MGAT5: variants seen among roughly 807,000 people sequenced by gnomAD.
MGAT5 encodes the protein alpha-1,6-mannosylglycoprotein 6-beta-N-acetylglucosaminyltransferase.
Under a neutral mutation model 94.3 loss-of-function variants are expected in MGAT5, and 30 were observed. That is an observed-to-expected ratio of 0.32 (90% CI 0.24 to 0.43). The LOEUF (loss-of-function observed/expected upper bound fraction) is 0.43. MGAT5 is among the 20% of genes least tolerant of loss of function. The pLI, the probability that MGAT5 is intolerant of heterozygous loss-of-function variation, is 1.00. For missense variants in MGAT5, 691 were observed against 905.5 expected, an observed-to-expected ratio of 0.76 and a Z score of 3.04; for synonymous variants, 310 against 322.9, an observed-to-expected ratio of 0.96 and a Z score of 0.43.
At chr2:134,169,440 A>G (rs887839572) in intron 1 of MGAT5, among the ~76,000 whole-genome samples, 2 of 149,052 alleles carry the variant, frequency 1.3e-5, no homozygotes, top group African/African-American at 5.1e-5. Flanking sequence ...ACACACACAC[A>G]TATATAAAAG....
intron 11 of MGAT5, among the ~76,000 whole-genome samples, chr2:134,406,342 C>T (rs1192251185): frequency 1.3e-5 from 2 of 152,194 alleles, no homozygotes; most frequent in African/African-American, 4.8e-5. Flanking sequence ...CACATACTGT[C>T]GCTGTACCCC....
intron 1 of MGAT5, among the ~76,000 whole-genome samples, chr2:134,151,626 G>A (rs1322879658): frequency 3.9e-5 from 3 of 77,906 alleles, no homozygotes; most frequent in South Asian, 5.0e-4. Flanking sequence ...CCTCACTCAC[G>A]CCCTATGGGA....
At chr2:134,158,798 C>CT (rs1687596221) in intron 1 of MGAT5, among the ~76,000 whole-genome samples, 1 of 152,222 alleles carries the variant, frequency 6.6e-6, no homozygotes, top group Non-Finnish European at 1.5e-5. Flanking sequence ...TGGATCCCCC[C>CT]AAAGAGCTTT....
chr2:134,300,905 G>A (rs1391445516), intron 2 of MGAT5, among the ~76,000 whole-genome samples: 1 of 152,126 alleles, frequency 6.6e-6, no homozygotes, highest in East Asian at 1.9e-4. Flanking sequence ...GCACAGCCCA[G>A]TTCTTAAGTA....
chr2:134,132,839 A>T (rs1252621808), intron 1 of MGAT5, among the ~76,000 whole-genome samples: 1 of 152,158 alleles, frequency 6.6e-6, no homozygotes, highest in Non-Finnish European at 1.5e-5. Context: ...GTGAAAACTC[A>T]CCCTTCTCTG....
intron 1 of MGAT5, among the ~76,000 whole-genome samples, chr2:134,175,289 C>G (rs1168012653): frequency 6.6e-6 from 1 of 152,204 alleles, no homozygotes; most frequent in Non-Finnish European, 1.5e-5. Flanking sequence ...TATGTACCTA[C>G]CCCTCCATAT....
intron 2 of MGAT5, among the ~76,000 whole-genome samples, chr2:134,292,135 C>T (rs959279731): frequency 1.3e-5 from 2 of 152,026 alleles, no homozygotes; most frequent in African/African-American, 4.8e-5. Flanking sequence ...GCAAATGTTG[C>T]CTAATTTAGT....
intron 2 of MGAT5, among the ~76,000 whole-genome samples, chr2:134,271,610 T>A (rs1684031016): frequency 6.6e-6 from 1 of 152,264 alleles, no homozygotes; most frequent in South Asian, 2.1e-4. Flanking sequence ...ATTTAATTGT[T>A]TTACATTATG....
At position 134,311,825 on chromosome 2, in the gene MGAT5, C is replaced by T. The variant is rs150553565; in HGVS notation, c.407-5704C>T. ...TTGGTGATACTTAAAAAGAAATGGA[C>T]GATAGCATCTTTATATACGTATAAA... On this transcript the variant is annotated intron_variant, in intron 2 of 15. Transcript: ENST00000281923. Among the ~76,000 whole-genome samples the T allele has an allele frequency of 4.5e-3, 688 of 152,232 alleles. 4 individuals carry two copies. The highest frequency in any genetic ancestry group is 0.015 in the African/African-American group (627 of 41,520).
intron 1 of MGAT5, among the ~76,000 whole-genome samples, chr2:134,168,240 G>A (rs575932446): frequency 6.6e-6 from 1 of 152,258 alleles, no homozygotes; most frequent in African/African-American, 2.4e-5. Context: ...TTCATAATGA[G>A]GCCCCATGAC....
chr2:134,246,908 A>AT (rs1187362348), intron 1 of MGAT5, among the ~76,000 whole-genome samples: 2 of 152,268 alleles, frequency 1.3e-5, no homozygotes, highest in African/African-American at 4.8e-5. Flanking sequence ...TATTTTATAC[A>AT]TTTTAATTTA....
intron 2 of MGAT5, among the ~76,000 whole-genome samples, chr2:134,291,542 A>G (rs929028626): frequency 1.3e-5 from 2 of 152,204 alleles, no homozygotes; most frequent in East Asian, 1.9e-4. Context: ...GAACCAATAT[A>G]TAAATGAAGT....
In MGAT5 at chr2:134,140,518, A is replaced by G. The variant is rs560795572; in HGVS notation, c.-143+20227A>G. Among the ~76,000 whole-genome samples, 17 of 152,336 alleles carry G rather than the reference A, an allele frequency of 1.1e-4. 1 individual carries two copies. Among genetic ancestry groups the G allele is most frequent in the Middle Eastern group, 3.4e-3 (1 of 294 alleles). On this transcript the variant is annotated intron_variant, in intron 1 of 16. Coordinates refer to the MGAT5 transcript ENST00000409645. ...TGACTGCCAGCTCTAAAAGTCTTTAATGCCGAGCCAATGAGCCATTCTTGT... is the reference window on the plus strand; with the variant it reads ...TGACTGCCAGCTCTAAAAGTCTTTAGTGCCGAGCCAATGAGCCATTCTTGT...
intron 2 of MGAT5, among the ~76,000 whole-genome samples, chr2:134,301,782 T>C (rs77454580): frequency 0.015 from 2,295 of 152,270 alleles, 60 homozygotes; most frequent in African/African-American, 0.051. Flanking sequence ...CTGGAACACA[T>C]GAGTATGAGC....
intron 2 of MGAT5, among the ~76,000 whole-genome samples, chr2:134,301,947 C>T (rs58908533): frequency 0.017 from 2,646 of 152,272 alleles, 87 homozygotes; most frequent in African/African-American, 0.06. Flanking sequence ...TTCACTATTC[C>T]ACTTCCTAGA....
intron 4 of MGAT5, among the ~76,000 whole-genome samples, chr2:134,333,281 G>A (rs1037214628): frequency 1.3e-5 from 2 of 151,942 alleles, no homozygotes; most frequent in African/African-American, 4.8e-5. Context: ...CATGTCCTTT[G>A]TAGGGACATG....
At chr2:134,291,688 T>C (rs1685375479) in intron 2 of MGAT5, among the ~76,000 whole-genome samples, 1 of 152,164 alleles carries the variant, frequency 6.6e-6, no homozygotes, top group Middle Eastern at 3.2e-3. Flanking sequence ...GCAAGAGACA[T>C]ATGGACTCAG....
At chr2:134,322,290 C>T (rs537082340) in intron 4 of MGAT5, among the ~76,000 whole-genome samples, 1 of 152,274 alleles carries the variant, frequency 6.6e-6, no homozygotes, top group African/African-American at 2.4e-5. Context: ...TTCTGGTTCT[C>T]ATTTACCAGT....
intron 1 of MGAT5, among the ~76,000 whole-genome samples, chr2:134,197,405 G>A (rs60703395): frequency 6.6e-6 from 1 of 152,116 alleles, no homozygotes; most frequent in Non-Finnish European, 1.5e-5. Context: ...AATTCAAAAG[G>A]TCGGTTGAGA....
Sources: allele counts gnomAD v4.1 joint callset (sites outside exome capture counted in the v4.1 genomes callset), GRCh38; gene constraint gnomAD v4.1.1; transcripts MANE v1.5; gene names NCBI Gene and HGNC (gene_info 2026-07-23, HGNC 2026-07-21).